SMYD3: variants seen among roughly 807,000 people sequenced by gnomAD.
SMYD3 encodes histone-lysine N-methyltransferase SMYD3.
A neutral mutation model predicts 57.7 loss-of-function variants in SMYD3; 36 were observed. The observed-to-expected ratio is 0.62, with a 90% CI of 0.48 to 0.82. SMYD3 has a LOEUF of 0.82. SMYD3 is among the 40% of genes least tolerant of loss of function. The pLI is 0.00. For missense variants in SMYD3, 515 were observed against 538.8 expected, an observed-to-expected ratio of 0.96 and a Z score of 0.44; for synonymous variants, 211 against 195.0, an observed-to-expected ratio of 1.08 and a Z score of -0.68.
intron 5 of SMYD3, among the ~76,000 whole-genome samples, chr1:246,144,098 T>TCCTCACCTGGACGGACAG (rs1189078521): frequency 6.6e-6 from 1 of 152,176 alleles, no homozygotes; most frequent in Non-Finnish European, 1.5e-5. Context: ...GGCAAGGCTC[T>TCCTCACCTGGACGGACAG]CCTCACCTGG....
At chr1:246,445,169 T>C (rs1485818805) in intron 1 of SMYD3, among the ~76,000 whole-genome samples, 1 of 152,226 alleles carries the variant, frequency 6.6e-6, no homozygotes, top group African/African-American at 2.4e-5. Flanking sequence ...CAATAAATGC[T>C]AACACAACAT....
intron 5 of SMYD3, among the ~76,000 whole-genome samples, chr1:246,049,007 T>C (rs945809731): frequency 3.9e-5 from 6 of 152,092 alleles, no homozygotes; most frequent in Admixed American, 3.3e-4. Flanking sequence ...ACGAGAGGAT[T>C]TGGCTAGTTC....
chr1:246,507,089 C>T lies in SMYD3; in HGVS notation c.129G>A (p.Gly43=), dbSNP rs555688060. 7 of 1,522,626 alleles carry T rather than the reference C, an allele frequency of 4.6e-6. No individual in the cohort carries two copies. In the African/African-American group the frequency reaches 1.0e-4, roughly 22 times the overall value. 94.3% of individuals were successfully genotyped at this position (1,522,626 alleles called of 1,614,324 possible). A position where few individuals can be genotyped will look rare whatever the true frequency, so the allele number is the denominator to read the frequency against. The change falls in exon 1 of 12, where the codon GGG becomes GGA. Residue 43 remains glycine, a synonymous_variant. Transcript: ENST00000490107. ...AGCGGTCGCAGACGACGCCACGACT[C>T]CCCTTGCACACCGTGTACGCCAAGG... The part of the protein sequence containing the change: ...SDPLAYTVCK[G]SRGVVCDRCL...
At chr1:246,253,861 A>G (rs1419432552) in intron 5 of SMYD3, among the ~76,000 whole-genome samples, 1 of 152,160 alleles carries the variant, frequency 6.6e-6, no homozygotes, top group Non-Finnish European at 1.5e-5. Context: ...TTGGATATGT[A>G]TCCATTAATG....
chr1:246,047,151 A>C (rs1176182472), intron 5 of SMYD3, among the ~76,000 whole-genome samples: 1 of 152,228 alleles, frequency 6.6e-6, no homozygotes, highest in African/African-American at 2.4e-5. Context: ...TTGGTAAAGT[A>C]AGTTTAAAGC....
intron 5 of SMYD3, among the ~76,000 whole-genome samples, chr1:245,943,150 G>A (rs1351815329): frequency 1.6e-5 from 2 of 128,002 alleles, no homozygotes; most frequent in Admixed American, 9.6e-5. Flanking sequence ...GAGGAACTGA[G>A]GACAGACACA....
chr1:246,048,404 G>A (rs2060006667), intron 5 of SMYD3, among the ~76,000 whole-genome samples: 1 of 152,080 alleles, frequency 6.6e-6, no homozygotes, highest in African/African-American at 2.4e-5. Flanking sequence ...AAATAAAAGG[G>A]CCAGTGTGCA....
At chr1:245,813,251 G>A (rs1392846736) in intron 10 of SMYD3, among the ~76,000 whole-genome samples, 1 of 152,068 alleles carries the variant, frequency 6.6e-6, no homozygotes, top group Non-Finnish European at 1.5e-5. Context: ...CTGACTTTGG[G>A]ATCCACCTGC....
chr1:246,493,214 G>C (rs1050513975), intron 1 of SMYD3, among the ~76,000 whole-genome samples: 1 of 142,572 alleles, frequency 7.0e-6, no homozygotes, highest in Non-Finnish European at 1.5e-5. Context: ...GCTACTGGGG[G>C]GGAGGAGAGG....
chr1:245,916,356 G>C (rs757295001), intron 7 of SMYD3, among the ~76,000 whole-genome samples: 1 of 152,138 alleles, frequency 6.6e-6, no homozygotes, highest in Non-Finnish European at 1.5e-5. Context: ...GTCCCATTAA[G>C]TCACGGGTCT....
At chr1:246,174,238 T>C (rs1036308823) in intron 5 of SMYD3, among the ~76,000 whole-genome samples, 26 of 152,196 alleles carry the variant, frequency 1.7e-4, no homozygotes, top group Non-Finnish European at 1.0e-4. Context: ...CAGAATTACA[T>C]GTGCTACACT....
chr1:245,858,835 A>G (rs61830191), intron 9 of SMYD3, among the ~76,000 whole-genome samples, 165 bp from the exon 10 acceptor site: 335 of 152,368 alleles, frequency 2.2e-3, no homozygotes, highest in Non-Finnish European at 1.8e-3. Context: ...GCAAAAGCAC[A>G]GAAGAGGCAT....
intron 8 of SMYD3, among the ~76,000 whole-genome samples, chr1:245,907,451 G>A (rs2054647438): frequency 6.6e-6 from 1 of 151,984 alleles, no homozygotes; most frequent in South Asian, 2.1e-4. Context: ...CACTAGACTA[G>A]CTCTAAAAAA....
intron 10 of SMYD3, chr1:245,814,486 T>C (rs2048676964): frequency 1.1e-5 from 8 of 738,902 alleles, no homozygotes; most frequent in Non-Finnish European, 1.3e-5. Context: ...AAAAGAATGC[T>C]ACTGTTACAC....
intron 5 of SMYD3, among the ~76,000 whole-genome samples, chr1:246,195,887 C>A (rs10924539): frequency 0.28 from 42,441 of 151,996 alleles, 7,373 homozygotes; most frequent in East Asian, 0.58. Context: ...TTTGTCAATA[C>A]CAGCTGTTGC....
chr1:246,346,488 G>A (rs992143957), intron 2 of SMYD3, among the ~76,000 whole-genome samples: 6 of 152,016 alleles, frequency 3.9e-5, no homozygotes, highest in Admixed American at 2.6e-4. Context: ...AAAGGAAGAC[G>A]TTTAATTGAC....
intron 7 of SMYD3, among the ~76,000 whole-genome samples, chr1:245,924,975 CTTATT>C (rs1251173218): frequency 3.3e-5 from 5 of 149,334 alleles, no homozygotes; most frequent in African/African-American, 1.3e-4. Context: ...TATTCCAGCT[CTTATT>C]TTATCTTTAA....
At chr1:246,396,241 C>G (rs966981453) in intron 1 of SMYD3, among the ~76,000 whole-genome samples, 1 of 152,170 alleles carries the variant, frequency 6.6e-6, no homozygotes, top group Non-Finnish European at 1.5e-5. Context: ...TATAGGTATA[C>G]GTACATCAAT....
chr1:245,913,706 A>G (rs2055191011), intron 8 of SMYD3, among the ~76,000 whole-genome samples: 1 of 152,196 alleles, frequency 6.6e-6, no homozygotes, highest in South Asian at 2.1e-4. Flanking sequence ...ATGGCAGAAA[A>G]TATTTGCAAA....
Sources: gnomAD v4.1 joint callset for allele counts (sites outside exome capture counted in the v4.1 genomes callset) on GRCh38, gnomAD v4.1.1 for gene constraint, MANE v1.5 for transcripts, NCBI Gene and HGNC (gene_info 2026-07-23, HGNC 2026-07-21) for gene names.